Variants in AHRR observed in about 807,000 individuals in gnomAD.
AHRR encodes ahR repressor.
A neutral mutation model predicts 44.0 loss-of-function variants in AHRR; 28 were observed. That is an observed-to-expected ratio of 0.64 (90% CI 0.47 to 0.87). The LOEUF (loss-of-function observed/expected upper bound fraction) is 0.87. Ranked by LOEUF, AHRR falls within the 40% of genes least tolerant of loss-of-function variation. The pLI is 0.00. For synonymous variants in AHRR, 434 were observed against 407.0 expected (o/e 1.07, Z -0.80); for missense variants, 990 against 953.9 (o/e 1.04, Z -0.50).
At chr5:331,337 T>C (rs1438364769) in intron 1 of AHRR, among the ~76,000 whole-genome samples, 1 of 152,236 alleles carries the variant, frequency 6.6e-6, no homozygotes, top group South Asian at 2.1e-4. Flanking sequence ...TCTGTGAGCA[T>C]ATAGTTGTTC....
chr5:401,551 A>T (rs1261820520), intron 4 of AHRR, among the ~76,000 whole-genome samples: 1 of 152,142 alleles, frequency 6.6e-6, no homozygotes, highest in Non-Finnish European at 1.5e-5. Context: ...CCCACGGTCA[A>T]CTCCAGGCAG....
chr5:402,355 ATG>A (rs1735050107), intron 4 of AHRR, among the ~76,000 whole-genome samples: 1 of 115,654 alleles, frequency 8.6e-6, no homozygotes, highest in Non-Finnish European at 1.7e-5. Flanking sequence ...GCAGTCGTTG[ATG>A]AGGGTGTGGA....
intron 4 of AHRR, among the ~76,000 whole-genome samples, chr5:378,837 G>A (rs1048853639): frequency 2.6e-5 from 4 of 152,202 alleles, no homozygotes; most frequent in Non-Finnish European, 5.9e-5. Context: ...GGCCTGTCTC[G>A]GGCTAGGATG....
intron 3 of AHRR, 59 bp from the exon 4 acceptor site, chr5:376,551 A>T: frequency 1.4e-6 from 2 of 1,401,308 alleles, no homozygotes; most frequent in Non-Finnish European, 1.9e-6. Flanking sequence ...GATGTGAATG[A>T]AGAAGAGTGG....
chr5:427,562 G>A lies in AHRR; in HGVS notation c.709-245G>A, dbSNP rs56894830. Reference sequence around the variant, plus strand: ...CGCGGGAATGAACCTGTCAAAGGCCGTCGCCGCGGCTCCAGAGAAACTGGG... The same window carrying A: ...CGCGGGAATGAACCTGTCAAAGGCCATCGCCGCGGCTCCAGAGAAACTGGG... On this transcript the variant is annotated intron_variant, in intron 7 of 10. Transcript: ENST00000684583. 728 of 1,572,102 alleles carry A rather than the reference G, an allele frequency of 4.6e-4. 2 individuals carry two copies. The African/African-American group carries it at 8.7e-3, about 19-fold the overall frequency.
rs1427265115 is a variant in AHRR at position 338,646 on chromosome 5, A to T, written c.-10-5247A>T. Among the ~76,000 whole-genome samples, 1 of 152,238 alleles carries T rather than the reference A, an allele frequency of 6.6e-6. No homozygotes were observed. The highest frequency in any genetic ancestry group is 2.4e-5 in the African/African-American group (1 of 41,468). ...TGCTTGAACCCAGGAGTTCAAGGCCAGACTGGGCAACATGATGAAACCCCA... is the reference window on the plus strand; with the variant it reads ...TGCTTGAACCCAGGAGTTCAAGGCCTGACTGGGCAACATGATGAAACCCCA... On this transcript the variant is annotated intron_variant, in intron 1 of 10. Transcript: ENST00000684583. This position sits in a 1 kb window ranked among gnomAD's most constrained non-coding sequence, Gnocchi z 4.1.
At chr5:332,756 A>G (rs1163878025) in intron 1 of AHRR, among the ~76,000 whole-genome samples, 1 of 152,118 alleles carries the variant, frequency 6.6e-6, no homozygotes, top group Non-Finnish European at 1.5e-5. Flanking sequence ...TAATGCCATG[A>G]GTAGTGTGTT....
chr5:429,077 A>G (rs1195777693), intron 8 of AHRR, among the ~76,000 whole-genome samples: 5 of 152,182 alleles, frequency 3.3e-5, no homozygotes, highest in East Asian at 1.9e-4. Flanking sequence ...GCCCTTGGGG[A>G]TTCGTGTCTA....
At chr5:427,631 C>T in intron 7 of AHRR, 176 bp from the exon 8 acceptor site, 2 of 1,613,042 alleles carry the variant, frequency 1.2e-6, no homozygotes, top group African/African-American at 1.3e-5. Context: ...TCGAATCACT[C>T]TGCAGGCCCG....
intron 1 of AHRR, among the ~76,000 whole-genome samples, chr5:323,699 G>A (rs1340779112): frequency 6.6e-6 from 1 of 152,210 alleles, no homozygotes; most frequent in Non-Finnish European, 1.5e-5. Flanking sequence ...GGGGGAGGCA[G>A]CTGTGGTTCC....
chr5:397,916 CCT>C (rs1235809282), intron 4 of AHRR, among the ~76,000 whole-genome samples: 2 of 126,264 alleles, frequency 1.6e-5, no homozygotes, highest in East Asian at 2.4e-4. Context: ...CATGTTAGCC[CCT>C]GACCATCCAC....
chr5:389,642 G>A (rs935426286), intron 4 of AHRR, among the ~76,000 whole-genome samples: 3 of 151,998 alleles, frequency 2.0e-5, no homozygotes, highest in Non-Finnish European at 4.4e-5. Flanking sequence ...CCTTCCCCCA[G>A]ACCAGCGTCA....
chr5:354,349 GAGGCAGCTGACT>G (rs140912212), intron 3 of AHRR, among the ~76,000 whole-genome samples: 9,886 of 152,284 alleles, frequency 0.065, 520 homozygotes, highest in Non-Finnish European at 0.087. Flanking sequence ...TCAGGAGGCT[GAGGCAGCTGACT>G]AGGTGGGACC....
At chr5:391,547 C>T (rs13180291) in intron 4 of AHRR, among the ~76,000 whole-genome samples, 1,469 of 5,144 alleles carry the variant, frequency 0.29, 276 homozygotes, top group Admixed American at 0.31. Flanking sequence ...GGGCGCAGGG[C>T]GAGGCAGGGC....
Position 338,281 on chromosome 5 carries a change from A to C in AHRR, c.-10-5612A>C, listed in dbSNP as rs551247191. 6.6e-6 allele frequency among the ~76,000 whole-genome samples: 1 copy of C among 152,174 alleles called. No individual in the cohort carries two copies. On this transcript the variant is annotated intron_variant, in intron 1 of 10. Coordinates refer to ENST00000684583, the MANE Select transcript of AHRR (RefSeq NM_001377236.1). The surrounding 1 kb of genome is among the most constrained non-coding windows in gnomAD (Gnocchi z 4.1). ...GTGCCATGTTGTAGACCCATACTAC[A>C]ATCTGGTATCATTTTCCTTTGGCCT...
chr5:418,233 T>C (rs938373349), intron 5 of AHRR, among the ~76,000 whole-genome samples: 3 of 152,250 alleles, frequency 2.0e-5, no homozygotes, highest in African/African-American at 7.2e-5. Context: ...AAGGAGGGTT[T>C]GTTTTTGTAC....
At chr5:418,674 C>A (rs551410661) in intron 5 of AHRR, 1 of 152,278 alleles carries the variant, frequency 6.6e-6, no homozygotes, top group Non-Finnish European at 1.5e-5. Context: ...GAAACTCATG[C>A]GAGGGCCATT....
At chr5:330,061 C>G (rs1741857205) in intron 1 of AHRR, among the ~76,000 whole-genome samples, 1 of 152,140 alleles carries the variant, frequency 6.6e-6, no homozygotes, top group African/African-American at 2.4e-5. Context: ...AGGGGAAATG[C>G]TTTCAACTTT....
chr5:375,769 G>A (rs961075203), intron 3 of AHRR, among the ~76,000 whole-genome samples: 1 of 152,206 alleles, frequency 6.6e-6, no homozygotes, highest in African/African-American at 2.4e-5. Context: ...CAGAAGCTGG[G>A]GAGGGGTGTC....
Sources: gnomAD v4.1 joint callset for allele counts (sites outside exome capture counted in the v4.1 genomes callset) on GRCh38, gnomAD v4.1.1 for gene constraint, Gnocchi (gnomAD v3.1) non-coding constraint, MANE v1.5 for transcripts, NCBI Gene and HGNC (gene_info 2026-07-23, HGNC 2026-07-21) for gene names.